ANO9: variants seen among roughly 807,000 people sequenced by gnomAD.
ANO9 encodes anoctamin-9.
A neutral mutation model predicts 100.5 loss-of-function variants in ANO9; 80 were observed. The ratio of observed to expected loss-of-function variants is 0.80; its 90% CI spans 0.66 to 0.96. The LOEUF (loss-of-function observed/expected upper bound fraction) is 0.96, where lower values mean the gene tolerates loss of function less well. ANO9 is among the 40% of genes least tolerant of loss of function. ANO9 has a pLI of 0.00. For missense variants in ANO9, 1,064 were observed against 1,072.7 expected (o/e 0.99, Z 0.11); for synonymous variants, 473 against 435.6 (o/e 1.09, Z -1.07).
chr11:419,161 G>A (rs879371244), intron 20 of ANO9, 172 bp from the exon 21 acceptor site: 29 of 1,443,588 alleles, frequency 2.0e-5, no homozygotes, highest in Middle Eastern at 5.1e-4. Context: ...ACATCCGGGG[G>A]CCTTGTGGGG....
At position 433,422 on chromosome 11, in the gene ANO9, C is replaced by T. The variant is rs758888521; in HGVS notation, c.242G>A (p.Arg81His). ...RDQKQVFFGI[R>H]ADNSVFGLYR... ...CAGGCCAAAGACACTGTTGTCAGCACGGATCCCAAAGAAGACCTGTTTCTG... is the reference window on the plus strand; with the variant it reads ...CAGGCCAAAGACACTGTTGTCAGCATGGATCCCAAAGAAGACCTGTTTCTG... The change falls in exon 4 of 23, where the codon CGT (arginine) becomes CAT (histidine). Residue 81 changes from arginine to histidine, a missense_variant. By Grantham distance (29) the Arg-to-His change is conservative. Transcript: ENST00000332826. 1.1e-5 allele frequency: 17 copies of T among 1,613,204 alleles called. No individual in the cohort carries two copies. The highest frequency in any genetic ancestry group is 2.7e-5 in the African/African-American group (2 of 74,904).
At position 441,999 on chromosome 11, in the gene ANO9, C is replaced by A. The variant is rs1272187135; in HGVS notation, c.-73G>T. 1.1e-5 allele frequency: 18 copies of A among 1,570,326 alleles called. No individual in the cohort carries two copies. Among genetic ancestry groups the A allele is most frequent in the Non-Finnish European group, 1.5e-5 (18 of 1,165,036 alleles). The stretch of plus-strand genomic sequence containing the variant: ...GGCTGCCAGCGGCGGGTGCTCCTAC[C>A]TGACTTCCGCGTGGGGCTCGCCCCT... On this transcript the variant is annotated 5_prime_UTR_variant, in exon 1 of 23. The change creates a new upstream start codon in the 5' untranslated region. Coordinates refer to ENST00000332826, the MANE Select transcript of ANO9 (RefSeq NM_001012302.3).
Position 428,552 on chromosome 11 carries a change from G to A in ANO9, c.1108C>T (p.Leu370=). 1 of 1,612,708 alleles carries A rather than the reference G, an allele frequency of 6.2e-7. No homozygotes were observed. The highest frequency in any genetic ancestry group is 8.5e-7 in the Non-Finnish European group (1 of 1,179,926). ...ACGGCCGTGGTCACCTGCTCCTCCA[G>A]GAAGGGCACGGCCGAGCTGCTGAAG... ...ALFSSSAVPF[L]EEQVTTAVVV... Residue 370 remains leucine (L), a synonymous_variant, in exon 13 of 23, where the codon CTG becomes TTG. Coordinates refer to ENST00000332826, the MANE Select transcript of ANO9 (RefSeq NM_001012302.3).
chr11:430,040 CCCA>C, intron 9 of ANO9, 40 bp downstream of exon 9: 1 of 1,535,356 alleles, frequency 6.5e-7, no homozygotes, highest in Non-Finnish European at 8.8e-7. Context: ...ATGCACCGTT[CCCA>C]TCTTCCGCAG....
At position 433,735 on chromosome 11, in the gene ANO9, G is replaced by A. The variant is rs375073476; in HGVS notation, c.204+80C>T. The stretch of plus-strand genomic sequence containing the variant: ...CAGCCCTGCCCCTCGCTGGGCACCC[G>A]CCCCAGCCCCATGGCCCTGCCCCTC... On this transcript the variant is annotated intron_variant, in intron 3 of 22. Coordinates refer to ENST00000332826, the MANE Select transcript of ANO9 (RefSeq NM_001012302.3). The A allele has an allele frequency of 3.0e-5, 44 of 1,484,240 alleles. No homozygotes were observed. The East Asian group carries it at 3.2e-4, about 11-fold the overall frequency. 91.9% of individuals were successfully genotyped at this position (1,484,240 alleles called of 1,614,324 possible). A position where few individuals can be genotyped will look rare whatever the true frequency, so the allele number is the denominator to read the frequency against.
chr11:418,360 G>C lies in ANO9; in HGVS notation c.*11C>G. 1.3e-6 allele frequency: 2 copies of C among 1,587,436 alleles called. No homozygotes were observed. The highest frequency in any genetic ancestry group is 1.7e-6 in the Non-Finnish European group (2 of 1,167,268). On this transcript the variant is annotated 3_prime_UTR_variant, in exon 23 of 23. Coordinates refer to ENST00000332826, the MANE Select transcript of ANO9 (RefSeq NM_001012302.3). ...TCTCAGCTCCTGGTGGCCTCTGGAC[G>C]GGCTCTGGCCCTACACGTCTGTGCT... is the stretch of plus-strand genomic sequence containing the variant.
At chr11:433,105 G>A (rs551551428) in intron 4 of ANO9, 104 of 627,028 alleles carry the variant, frequency 1.7e-4, no homozygotes, top group African/African-American at 1.5e-3. Context: ...TGCTCTGAGC[G>A]TTGAGAACCA....
rs982587411 is a variant in ANO9 at position 421,334 on chromosome 11, C to G, written c.1335-136G>C. ...CCTGCAGGTGAGCGGGGCACAGGTGCTCACACCCAGATGAACCGCACCCGC... is the reference window on the plus strand; with the variant it reads ...CCTGCAGGTGAGCGGGGCACAGGTGGTCACACCCAGATGAACCGCACCCGC... On this transcript the variant is annotated intron_variant, in intron 15 of 22. Coordinates refer to ENST00000332826, the MANE Select transcript of ANO9 (RefSeq NM_001012302.3). The surrounding 1 kb of genome is among the most constrained non-coding windows in gnomAD (Gnocchi z 6.8). The G allele has an allele frequency of 1.1e-6, 1 of 891,286 alleles. No homozygotes were observed. Among genetic ancestry groups the G allele is most frequent in the Non-Finnish European group, 1.6e-6 (1 of 615,308 alleles). The allele number at this position is 891,286 out of a possible 1,614,324, so 55.2% of individuals were successfully genotyped here. A position where few individuals can be genotyped will look rare whatever the true frequency, so the allele number is the denominator to read the frequency against.
chr11:437,573 CTT>C (rs2095178194), intron 1 of ANO9, among the ~76,000 whole-genome samples: 1 of 152,246 alleles, frequency 6.6e-6, no homozygotes, highest in African/African-American at 2.4e-5. Flanking sequence ...CACACTGAAA[CTT>C]CTCCCCCGTC....
At chr11:439,570 T>C (rs1419610287) in intron 1 of ANO9, among the ~76,000 whole-genome samples, 1 of 152,198 alleles carries the variant, frequency 6.6e-6, no homozygotes. Context: ...CAGCTGTGCA[T>C]GGGAAGGTGT....
In ANO9 at chr11:432,378, T is replaced by C; in HGVS notation, c.351-324A>G. On this transcript the variant is annotated intron_variant, in intron 4 of 22. Transcript: ENST00000332826. The surrounding 1 kb of genome is among the most constrained non-coding windows in gnomAD (Gnocchi z 4.8). ...CCACACCTCCCACCTGCGGGCCCCA[T>C]GTGTCCAGAGCACACCCCAGCCTGC... The C allele has an allele frequency of 6.9e-6, 3 of 437,704 alleles. No homozygotes were observed. Among genetic ancestry groups the C allele is most frequent in the Non-Finnish European group, 4.2e-6 (1 of 235,904 alleles). The allele number at this position is 437,704 out of a possible 1,614,324, so 27.1% of individuals were successfully genotyped here. A position where few individuals can be genotyped will look rare whatever the true frequency, so the allele number is the denominator to read the frequency against.
chr11:429,345 C>T (rs1009643297), intron 11 of ANO9: 24 of 1,049,226 alleles, frequency 2.3e-5, no homozygotes, highest in African/African-American at 1.7e-4. Flanking sequence ...CACAGCGACA[C>T]GCCTCACGGG....
chr11:434,197 C>T (rs184540923), intron 1 of ANO9, 99 bp from the exon 2 acceptor site: 59 of 1,345,694 alleles, frequency 4.4e-5, no homozygotes, highest in Non-Finnish European at 5.5e-5. Context: ...GGTCACACAC[C>T]GTCCCTCCCC....
At chr11:431,357 G>A (rs1411512797) in intron 7 of ANO9, among the ~76,000 whole-genome samples, 1 of 66,730 alleles carries the variant, frequency 1.5e-5, no homozygotes. Context: ...ATCTGGGGGC[G>A]TCTGCGGGGG....
At chr11:425,770 C>T (rs1421584769) in intron 15 of ANO9, among the ~76,000 whole-genome samples, 3 of 151,384 alleles carry the variant, frequency 2.0e-5, no homozygotes, top group African/African-American at 2.4e-5. Flanking sequence ...CTCACTCTGT[C>T]GCCCAGGCTG....
chr11:433,760 C>T (rs1849228964), intron 3 of ANO9, 55 bp downstream of exon 3: 6 of 1,523,518 alleles, frequency 3.9e-6, no homozygotes, highest in Admixed American at 4.0e-5. Flanking sequence ...CCCTGCCCCT[C>T]GCTGGACACC....
chr11:440,464 T>C (rs554256111), intron 1 of ANO9: 2 of 152,434 alleles, frequency 1.3e-5, no homozygotes, highest in Admixed American at 1.3e-4. Context: ...TGTCTGCAAC[T>C]GTCCTTTTTG....
At chr11:433,069 C>A in intron 4 of ANO9, 1 of 522,332 alleles carries the variant, frequency 1.9e-6, no homozygotes, top group Non-Finnish European at 3.3e-6. Context: ...CCCAGGAACA[C>A]AGGCAGCCAC....
In ANO9 at chr11:428,837, C is replaced by T; in HGVS notation, c.916-11G>A. The T allele has an allele frequency of 1.9e-6, 3 of 1,612,200 alleles. No homozygotes were observed. The highest frequency in any genetic ancestry group is 1.3e-5 in the African/African-American group (1 of 75,024). Reference sequence around the variant, plus strand: ...AAGTGCCATTTCCTCCTGGGGAGAGCACCGGGCAAGCCTCAGACAAGGGAC... The same window carrying T: ...AAGTGCCATTTCCTCCTGGGGAGAGTACCGGGCAAGCCTCAGACAAGGGAC... On this transcript the variant is annotated splice_polypyrimidine_tract_variant and intron_variant, in intron 11 of 22. Transcript: ENST00000332826.
Sources: allele counts gnomAD v4.1 joint callset (sites outside exome capture counted in the v4.1 genomes callset), GRCh38; gene constraint gnomAD v4.1.1; non-coding constraint Gnocchi (gnomAD v3.1); transcripts MANE v1.5; gene names NCBI Gene and HGNC (gene_info 2026-07-23, HGNC 2026-07-21).